Variants in FBXL18 observed in about 807,000 individuals in gnomAD.
The protein encoded by FBXL18 is F-box and leucine rich repeat protein 18.
A neutral mutation model predicts 46.0 loss-of-function variants in FBXL18; 36 were observed. The observed-to-expected ratio is 0.78, with a 90% CI of 0.60 to 1.03. The LOEUF (loss-of-function observed/expected upper bound fraction) is 1.03, where lower values mean the gene tolerates loss of function less well. FBXL18 is among the 50% of genes least tolerant of loss of function. FBXL18 has a pLI of 0.00. For synonymous variants in FBXL18, 557 were observed against 465.3 expected (o/e 1.20, Z -2.54); for missense variants, 977 against 1,004.1 (o/e 0.97, Z 0.36).
downstream of FBXL18, among the ~76,000 whole-genome samples, chr7:5,473,730 C>T (rs1783463597): frequency 6.8e-6 from 1 of 146,942 alleles, no homozygotes; most frequent in African/African-American, 2.6e-5. Context: ...CACTGCACTC[C>T]AGCCTGGGCG....
chr7:5,482,848 C>A (rs1584203346), intron 4 of FBXL18, among the ~76,000 whole-genome samples: 1 of 152,114 alleles, frequency 6.6e-6, no homozygotes, highest in Middle Eastern at 3.4e-3. Flanking sequence ...ACAGCCTGGG[C>A]AACATAGGGA....
At chr7:5,491,835 C>T (rs1162904120) in intron 3 of FBXL18, among the ~76,000 whole-genome samples, 1 of 152,202 alleles carries the variant, frequency 6.6e-6, no homozygotes, top group African/African-American at 2.4e-5. Flanking sequence ...GAGGACCCCA[C>T]ACATGGCCCC....
At chr7:5,456,159 T>C (rs942684822) in intron 4 of FBXL18, among the ~76,000 whole-genome samples, 2 of 152,068 alleles carry the variant, frequency 1.3e-5, no homozygotes, top group Non-Finnish European at 2.9e-5. Context: ...TCCCCACTGC[T>C]GTCCTCCCCG....
intron 4 of FBXL18, among the ~76,000 whole-genome samples, chr7:5,486,125 A>G (rs1054058139): frequency 9.2e-5 from 14 of 151,650 alleles, no homozygotes; most frequent in Non-Finnish European, 1.8e-4. Flanking sequence ...GTGCTGGCGC[A>G]TGCCTGTAAT....
intron 4 of FBXL18, among the ~76,000 whole-genome samples, chr7:5,470,040 AC>A (rs1247442783): frequency 8.7e-5 from 13 of 149,444 alleles, no homozygotes; most frequent in African/African-American, 2.7e-4. Flanking sequence ...GGGCCGTTGG[AC>A]GAGTGAGTGC....
intron 4 of FBXL18, among the ~76,000 whole-genome samples, chr7:5,462,766 A>G (rs1435516385): frequency 6.6e-6 from 1 of 151,164 alleles, no homozygotes; most frequent in African/African-American, 2.4e-5. Context: ...CCTGGCTAAC[A>G]TGGTGAAACC....
chr7:5,456,244 G>A (rs989186543), intron 4 of FBXL18, among the ~76,000 whole-genome samples: 13 of 152,140 alleles, frequency 8.5e-5, no homozygotes, highest in East Asian at 1.9e-4. Flanking sequence ...CTGCTCTCTC[G>A]GGACAGTGCT....
At chr7:5,483,471 G>C (rs142320922) in intron 4 of FBXL18, among the ~76,000 whole-genome samples, 2,853 of 148,884 alleles carry the variant, frequency 0.019, 89 homozygotes, top group African/African-American at 0.067. Context: ...GAGGCTGAGC[G>C]CAGTGGCTCA....
intron 3 of FBXL18, among the ~76,000 whole-genome samples, chr7:5,492,916 G>A (rs1451527967): frequency 6.6e-6 from 1 of 152,184 alleles, no homozygotes; most frequent in East Asian, 1.9e-4. Context: ...AATGCCTGTT[G>A]CATGAAGCCA....
chr7:5,472,045 G>A (rs1316023032), downstream of FBXL18, among the ~76,000 whole-genome samples: 12 of 152,088 alleles, frequency 7.9e-5, no homozygotes, highest in Non-Finnish European at 1.5e-5. Flanking sequence ...GCAGGATGAC[G>A]CCACTGCACT....
intron 4 of FBXL18, chr7:5,489,410 G>A (rs1376865995): frequency 6.2e-6 from 3 of 480,796 alleles, no homozygotes; most frequent in African/African-American, 4.0e-5. Context: ...TGAGGTAAGC[G>A]GATCACCTGA....
intron 1 of FBXL18, among the ~76,000 whole-genome samples, chr7:5,512,325 C>T (rs1264890436): frequency 8.7e-6 from 1 of 114,862 alleles, no homozygotes; most frequent in Non-Finnish European, 1.7e-5. Context: ...AAAAAAAAAG[C>T]AGAGTCCAGC....
At chr7:5,483,956 G>A (rs1783710896) in intron 4 of FBXL18, among the ~76,000 whole-genome samples, 1 of 152,158 alleles carries the variant, frequency 6.6e-6, no homozygotes, top group Admixed American at 6.6e-5. Context: ...GACACACAGA[G>A]TCAATAGCAG....
rs531406794 is a variant in FBXL18, at chr7:5,498,389, G to T, written c.1781+2099C>A. On this transcript the variant is annotated intron_variant, in intron 3 of 4. Transcript: ENST00000382368. ...GCGTGAGCCACGGCGCCCGGCCGAGGCCATTTTGATTTTTACTTTAAAGGC... is the reference window on the plus strand; with the variant it reads ...GCGTGAGCCACGGCGCCCGGCCGAGTCCATTTTGATTTTTACTTTAAAGGC... Among the ~76,000 whole-genome samples, 5 of 151,898 alleles carry T rather than the reference G, an allele frequency of 3.3e-5. 1 individual carries two copies. In the South Asian group the frequency reaches 1.0e-3, roughly 32 times the overall value.
intron 2 of FBXL18, 69 bp from the exon 3 acceptor site, chr7:5,502,100 A>G: frequency 9.1e-7 from 1 of 1,103,498 alleles, no homozygotes; most frequent in South Asian, 1.5e-5. Flanking sequence ...TCCAACCCTC[A>G]GTGCGCACAC....
At chr7:5,458,238 A>C (rs1783198208) in intron 4 of FBXL18, among the ~76,000 whole-genome samples, 1 of 152,094 alleles carries the variant, frequency 6.6e-6, no homozygotes, top group African/African-American at 2.4e-5. Context: ...ACTGTCCGTC[A>C]ATAAAACCAC....
At chr7:5,498,157 G>C (rs867712544) in intron 3 of FBXL18, among the ~76,000 whole-genome samples, 1 of 147,174 alleles carries the variant, frequency 6.8e-6, no homozygotes, top group Admixed American at 6.9e-5. Flanking sequence ...GCGCGATCTC[G>C]GCTCACTGCA....
chr7:5,511,467 G>A (rs971847853), intron 1 of FBXL18, among the ~76,000 whole-genome samples: 6 of 152,122 alleles, frequency 3.9e-5, no homozygotes, highest in East Asian at 1.9e-4. Flanking sequence ...AAATGCGGAC[G>A]TAGTGGCACG....
At position 5,513,796 on chromosome 7, in the gene FBXL18, CT is replaced by C. The variant is rs1307432336; in HGVS notation, c.-123del. ...AACCGAGACCCCGGCAAGGAGCGGG[CT>C]CTCGTCACTTCCGGCGCCCGCCTAC... On this transcript the variant is annotated 5_prime_UTR_variant, in exon 1 of 5. Transcript: ENST00000382368. The C allele has an allele frequency of 2.1e-5, 29 of 1,363,846 alleles. No homozygotes were observed. The highest frequency in any genetic ancestry group is 1.7e-4 in the South Asian group (12 of 72,202). 84.5% of individuals were successfully genotyped at this position (1,363,846 alleles called of 1,614,324 possible).
Sources: gnomAD v4.1 joint callset for allele counts (sites outside exome capture counted in the v4.1 genomes callset) on GRCh38, gnomAD v4.1.1 for gene constraint, MANE v1.5 for transcripts, NCBI Gene and HGNC (gene_info 2026-07-23, HGNC 2026-07-21) for gene names.